The following SF3B6 variants were observed in gnomAD, a reference collection of about 807,000 sequenced individuals.
SF3B6 encodes the protein SF3b 14 kDa subunit.
In SF3B6, 3 loss-of-function variants were observed where a neutral mutation model predicts 15.9. That is an observed-to-expected ratio of 0.19 (90% CI 0.09 to 0.49). SF3B6 has a LOEUF of 0.49. Among genes scored for constraint, SF3B6 ranks in the 20% least tolerant of loss-of-function variants. The probability of loss-of-function intolerance (pLI) is 0.97; values close to 1 mark genes in which losing one functional copy is unlikely to be tolerated. For missense variants in SF3B6, 71 were observed against 154.3 expected (o/e 0.46, Z 2.86); for synonymous variants, 49 against 51.1 (o/e 0.96, Z 0.18).
chr2:24,071,978 C>A (rs1044282645), intron 2 of SF3B6, among the ~76,000 whole-genome samples: 1 of 152,000 alleles, frequency 6.6e-6, no homozygotes. Flanking sequence ...TTATATTATT[C>A]TTCTATTTTC....
At chr2:24,073,990 C>T in intron 2 of SF3B6, 86 bp downstream of exon 2, 1 of 842,572 alleles carries the variant, frequency 1.2e-6, no homozygotes, top group South Asian at 1.4e-5. Flanking sequence ...GCACTGCACA[C>T]AGCACAGGGT....
intron 1 of SF3B6, among the ~76,000 whole-genome samples, chr2:24,074,980 T>A (rs1178340554): frequency 6.6e-6 from 1 of 152,028 alleles, no homozygotes; most frequent in South Asian, 2.1e-4. Flanking sequence ...AATACAAAAA[T>A]TAGCCGGGCA....
intron 2 of SF3B6, among the ~76,000 whole-genome samples, chr2:24,072,518 A>G (rs1664673634): frequency 6.6e-6 from 1 of 152,222 alleles, no homozygotes; most frequent in South Asian, 2.1e-4. Context: ...TACACTGGGA[A>G]GGAAAACTGA....
rs542255311 is a variant in SF3B6, at chr2:24,075,243, C to T, written c.30+957G>A. ...CAACTTCCACCATCTTTTCACCCCA[C>T]TGCAATCAAGTTTTCATCCACTGAA... On this transcript the variant is annotated intron_variant, in intron 1 of 3. Transcript: ENST00000233468. 1.3e-4 allele frequency among the ~76,000 whole-genome samples: 20 copies of T among 152,288 alleles called. No homozygotes were observed. The South Asian group carries it at 3.5e-3, about 27-fold the overall frequency.
chr2:24,068,877 C>T (rs1427953778), intron 2 of SF3B6, among the ~76,000 whole-genome samples: 1 of 152,168 alleles, frequency 6.6e-6, no homozygotes, highest in Admixed American at 6.5e-5. Context: ...GATAGACTCT[C>T]ACTCTGTTGC....
intron 1 of SF3B6, among the ~76,000 whole-genome samples, chr2:24,075,579 TGA>T (rs1381360383): frequency 1.4e-5 from 2 of 138,312 alleles, no homozygotes; most frequent in Non-Finnish European, 3.0e-5. Context: ...ATCTCTTTTT[TGA>T]GTTTTTTTTT....
intron 2 of SF3B6, 94 bp downstream of exon 2, chr2:24,073,982 A>G (rs1453225351): frequency 5.1e-6 from 4 of 790,032 alleles, no homozygotes; most frequent in Non-Finnish European, 8.8e-6. Flanking sequence ...GGGTTGTCGC[A>G]CTGCACACAG....
Position 24,068,396 on chromosome 2 carries a change from C to T in SF3B6, c.213G>A (p.Lys71=), listed in dbSNP as rs754098149. Residue 71 remains lysine, a synonymous_variant, in exon 3 of 4, where the codon AAG becomes AAA. Transcript: ENST00000233468. The part of the protein sequence containing the change: ...YVVYEDIFDA[K]NACDHLSGFN... ...ATCCCGATAGGTGATCACATGCATTCTTGGCATCAAAGATGTCCTCATAGA... is the reference window on the plus strand; with the variant it reads ...ATCCCGATAGGTGATCACATGCATTTTTGGCATCAAAGATGTCCTCATAGA... 2 of 1,614,054 alleles carry T rather than the reference C, an allele frequency of 1.2e-6. No individual in the cohort carries two copies. The highest frequency in any genetic ancestry group is 1.7e-6 in the Non-Finnish European group (2 of 1,179,992).
At position 24,074,076 on chromosome 2, in the gene SF3B6, A is replaced by C; in HGVS notation, c.149T>G (p.Val50Gly). 3 of 1,516,938 alleles carry C rather than the reference A, an allele frequency of 2.0e-6. No individual in the cohort carries two copies. Among genetic ancestry groups the C allele is most frequent in the Non-Finnish European group, 2.7e-6 (3 of 1,095,068 alleles). The allele number at this position is 1,516,938 out of a possible 1,614,324, so 94.0% of individuals were successfully genotyped here. Residue 50 changes from valine (V) to glycine (G), a missense_variant and splice_region_variant, in exon 2 of 4, where the codon GTG (valine) becomes GGG (glycine). This residue lies in a region of SF3B6 where 52 missense variants were observed against 113.2 expected (regional missense o/e 0.46). Transcript: ENST00000233468. The stretch of plus-strand genomic sequence containing the variant: ...CTTTAAATGACTCAGTAAGACTCAC[A>C]CTCTGATTTGACGAATAGGTCCATA... Reference protein sequence around the residue: ...GKYGPIRQIRVGNTPETRGTA... With the variant: ...GKYGPIRQIRGGNTPETRGTA...
chr2:24,070,699 A>G (rs1664639557), intron 2 of SF3B6, among the ~76,000 whole-genome samples: 1 of 152,246 alleles, frequency 6.6e-6, no homozygotes, highest in Non-Finnish European at 1.5e-5. Context: ...AGTGTCCCAG[A>G]AAATCTCTCA....
intron 1 of SF3B6, 121 bp downstream of exon 1, chr2:24,076,079 G>A: frequency 7.8e-7 from 1 of 1,274,092 alleles, no homozygotes; most frequent in East Asian, 2.3e-5. Context: ...TCGCTGACAG[G>A]ATAGGAATTC....
chr2:24,068,167 G>C (rs1406530340), intron 3 of SF3B6, among the ~76,000 whole-genome samples, 154 bp downstream of exon 3: 1 of 152,172 alleles, frequency 6.6e-6, no homozygotes, highest in Non-Finnish European at 1.5e-5. Context: ...GTTTCACCGT[G>C]TTAGCCAGGA....
In SF3B6 at chr2:24,076,253, G is replaced by A. The variant is rs1161438674; in HGVS notation, c.-24C>T. ...ATCTTGGCGGGCTGATGAAGTTACC[G>A]TAGCAGATACTGAAATTCCTCCGGA... is the stretch of plus-strand genomic sequence containing the variant. On this transcript the variant is annotated 5_prime_UTR_variant, in exon 1 of 4. In the 5' UTR this introduces an upstream ATG that the reference lacks. Coordinates refer to ENST00000233468, the MANE Select transcript of SF3B6 (RefSeq NM_016047.4). 4 of 1,614,178 alleles carry A rather than the reference G, an allele frequency of 2.5e-6. No individual in the cohort carries two copies. Among genetic ancestry groups the A allele is most frequent in the South Asian group, 1.1e-5 (1 of 91,086 alleles).
chr2:24,067,750 T>C lies in SF3B6; in HGVS notation c.*12A>G, dbSNP rs776357810. ...TCGTGGGATTTAGTCCAAATGAAAATGTAGAAAACATTTATTTTGGTGGAT... is the reference window on the plus strand; with the variant it reads ...TCGTGGGATTTAGTCCAAATGAAAACGTAGAAAACATTTATTTTGGTGGAT... On this transcript the variant is annotated 3_prime_UTR_variant, in exon 4 of 4. Coordinates refer to ENST00000233468, the MANE Select transcript of SF3B6 (RefSeq NM_016047.4). The C allele has an allele frequency of 5.5e-5, 89 of 1,606,174 alleles. No individual in the cohort carries two copies. The highest frequency in any genetic ancestry group is 1.0e-4 in the Admixed American group (6 of 59,224).
At chr2:24,068,583 G>A in intron 2 of SF3B6, 124 bp from the exon 3 acceptor site, 2 of 878,652 alleles carry the variant, frequency 2.3e-6, no homozygotes, top group East Asian at 5.2e-5. Flanking sequence ...TACGTTTTTA[G>A]TTAAGTATTT....
At chr2:24,074,339 G>A (rs1339572591) in intron 1 of SF3B6, 145 bp from the exon 2 acceptor site, 2 of 559,828 alleles carry the variant, frequency 3.6e-6, no homozygotes, top group African/African-American at 3.8e-5. Context: ...ATAATTTGAT[G>A]TTTCTGAAAA....
intron 2 of SF3B6, 137 bp downstream of exon 2, chr2:24,073,939 A>C: frequency 1.6e-6 from 1 of 642,530 alleles, no homozygotes; most frequent in Non-Finnish European, 2.8e-6. Context: ...CATCTCTCTG[A>C]TCTCAATCTG....
At chr2:24,070,071 A>T (rs79692814) in intron 2 of SF3B6, among the ~76,000 whole-genome samples, 10,718 of 152,180 alleles carry the variant, frequency 0.07, 512 homozygotes, top group Middle Eastern at 0.13. Context: ...TCTTCCTCTT[A>T]TATCTTCTTA....
chr2:24,067,910 CA>C lies in SF3B6; in HGVS notation c.289-60del, dbSNP rs1486139435. On this transcript the variant is annotated intron_variant, in intron 3 of 3. Transcript: ENST00000233468. ...CAATCTACAGCCAAATGAATTTCAT[CA>C]ATAGCATTAGCCAAAAAAGAAAGTC... 7.0e-6 allele frequency: 10 copies of C among 1,431,634 alleles called. No individual in the cohort carries two copies. The East Asian group carries it at 1.8e-4, about 26-fold the overall frequency. The allele number at this position is 1,431,634 out of a possible 1,614,324, so 88.7% of individuals were successfully genotyped here.
Sources: gnomAD v4.1 joint callset for allele counts (sites outside exome capture counted in the v4.1 genomes callset) on GRCh38, gnomAD v4.1.1 for gene constraint, gnomAD v4.1.1 regional missense constraint, MANE v1.5 for transcripts, NCBI Gene and HGNC (gene_info 2026-07-23, HGNC 2026-07-21) for gene names.